FMC1: variants seen among roughly 807,000 people sequenced by gnomAD.
The protein encoded by FMC1 is formation of mitochondrial complex V assembly factor 1, also known as protein FMC1 homolog.
Under a neutral mutation model 10.5 loss-of-function variants are expected in FMC1, and 6 were observed. That is an observed-to-expected ratio of 0.57 (90% CI 0.31 to 1.12). The LOEUF is 1.12. Ranked by LOEUF, FMC1 falls within the 50% of genes most tolerant of loss-of-function variation. The pLI is 0.05. For synonymous variants in FMC1, 59 were observed against 62.1 expected (o/e 0.95, Z 0.24); for missense variants, 146 against 151.7 (o/e 0.96, Z 0.20).
At chr7:139,343,739 A>G (rs527797957) in intron 1 of FMC1, among the ~76,000 whole-genome samples, 1 of 152,236 alleles carries the variant, frequency 6.6e-6, no homozygotes, top group East Asian at 1.9e-4. Context: ...GTTCACGACC[A>G]GCCTGGGCAA....
Position 139,344,695 on chromosome 7 carries a change from C to CT in FMC1, c.139-784dup, listed in dbSNP as rs1026301999. 4.7e-3 allele frequency among the ~76,000 whole-genome samples: 542 copies of CT among 116,284 alleles called. 5 individuals carry two copies. The highest frequency in any genetic ancestry group is 6.6e-3 in the Non-Finnish European group (374 of 56,892). 76.3% of individuals were successfully genotyped at this position (116,284 alleles called of 152,430 possible). A position where few individuals can be genotyped will look rare whatever the true frequency, so the allele number is the denominator to read the frequency against. On this transcript the variant is annotated intron_variant, in intron 1 of 1. Transcript: ENST00000297534. ...CAGACAAAAGTTTTCAATTTTCTTT[C>CT]TTTTTTTTTTTTTTTTTTTTTTGTT...
upstream of FMC1, chr7:139,340,500 A>G (rs1018564031): frequency 3.5e-5 from 14 of 398,436 alleles, no homozygotes; most frequent in Admixed American, 3.5e-4. Flanking sequence ...CGTCCGGAGC[A>G]TCGGTGCAGT....
intron 1 of FMC1, among the ~76,000 whole-genome samples, chr7:139,344,421 G>A (rs552397872): frequency 2.0e-5 from 3 of 152,168 alleles, no homozygotes; most frequent in South Asian, 2.1e-4. Context: ...TACCTTATGC[G>A]GTGTAAATGC....
intron 1 of FMC1, among the ~76,000 whole-genome samples, chr7:139,344,581 C>A (rs1238382790): frequency 2.6e-5 from 4 of 151,578 alleles, no homozygotes; most frequent in Non-Finnish European, 1.5e-5. Flanking sequence ...TATGGAGGGC[C>A]AATTGTAATA....
chr7:139,342,060 A>G (rs1301982697), intron 1 of FMC1, among the ~76,000 whole-genome samples: 1 of 152,152 alleles, frequency 6.6e-6, no homozygotes, highest in Non-Finnish European at 1.5e-5. Flanking sequence ...TCAACTGTCG[A>G]ATTTCTGAGC....
chr7:139,341,358 G>T lies in FMC1; in HGVS notation c.-27G>T, dbSNP rs1185045148. The T allele has an allele frequency of 6.3e-7, 1 of 1,595,046 alleles. No homozygotes were observed. Among genetic ancestry groups the T allele is most frequent in the Non-Finnish European group, 8.6e-7 (1 of 1,166,458 alleles). ...TTTCAGGGTCGTAGGACGCCGTTGG[G>T]CACCACGCTCGGAGAAGGACAGGAC... On this transcript the variant is annotated 5_prime_UTR_variant, in exon 1 of 2. Coordinates refer to ENST00000297534, the MANE Select transcript of FMC1 (RefSeq NM_197964.5).
chr7:139,345,178 A>G (rs970433088), intron 1 of FMC1, among the ~76,000 whole-genome samples: 5 of 152,160 alleles, frequency 3.3e-5, no homozygotes, highest in Non-Finnish European at 7.4e-5. Flanking sequence ...CATATCTACC[A>G]TTAACCAACC....
upstream of FMC1, chr7:139,340,699 A>C (rs1798896201): frequency 2.5e-6 from 1 of 392,226 alleles, no homozygotes; most frequent in Non-Finnish European, 4.5e-6. Flanking sequence ...CGTTTGCAGA[A>C]GCCCCAGTGG....
upstream of FMC1, chr7:139,341,123 C>T (rs1167808353): frequency 1.5e-5 from 6 of 403,044 alleles, no homozygotes; most frequent in Non-Finnish European, 2.1e-5. Context: ...AGAAAAGCCC[C>T]TGTTTCCCCA....
At chr7:139,343,137 A>G (rs1269126241) in intron 1 of FMC1, among the ~76,000 whole-genome samples, 5 of 152,218 alleles carry the variant, frequency 3.3e-5, no homozygotes, top group African/African-American at 1.2e-4. Flanking sequence ...AACCGAATCA[A>G]GAGCAGTATT....
At chr7:139,341,159 TG>T, upstream of FMC1, 2 of 636,622 alleles carry the variant, frequency 3.1e-6, no homozygotes, top group Non-Finnish European at 4.9e-6. Context: ...TTAGAGGTCC[TG>T]GTACCTTCAG....
chr7:139,340,744 G>A (rs1798899911), upstream of FMC1: 4 of 379,102 alleles, frequency 1.1e-5, no homozygotes, highest in Non-Finnish European at 1.9e-5. Flanking sequence ...CTAAGCCAGG[G>A]ATTGTGGGTT....
chr7:139,342,867 C>T (rs550420463), intron 1 of FMC1, among the ~76,000 whole-genome samples: 71 of 152,300 alleles, frequency 4.7e-4, no homozygotes, highest in South Asian at 8.3e-4. Flanking sequence ...ATTCATGGTA[C>T]ATTCTGGAAA....
intron 1 of FMC1, among the ~76,000 whole-genome samples, chr7:139,343,136 A>G (rs1451949623): frequency 6.6e-6 from 1 of 152,234 alleles, no homozygotes; most frequent in African/African-American, 2.4e-5. Flanking sequence ...CAACCGAATC[A>G]AGAGCAGTAT....
Position 139,341,442 on chromosome 7 carries a change from T to C in FMC1, c.58T>C (p.Tyr20His), listed in dbSNP as rs1211525100. 1 of 1,613,548 alleles carries C rather than the reference T, an allele frequency of 6.2e-7. No homozygotes were observed. The highest frequency in any genetic ancestry group is 2.2e-5 in the East Asian group (1 of 44,874). Residue 20 changes from tyrosine to histidine, a missense_variant, in exon 1 of 2, where the codon TAC becomes CAC. Transcript: ENST00000297534. ...TFRGLLRELR[Y>H]LSAATGRPYR... The stretch of plus-strand genomic sequence containing the variant: ...TCGAGGACTTCTGCGGGAGTTGCGC[T>C]ACCTGAGCGCGGCCACCGGCCGACC...
upstream of FMC1, chr7:139,340,538 A>G (rs1798882959): frequency 7.5e-6 from 3 of 398,426 alleles, no homozygotes; most frequent in African/African-American, 6.2e-5. Context: ...TGGCGCGGTG[A>G]TGTGGACTTT....
At position 139,341,512 on chromosome 7, in the gene FMC1, G is replaced by T. The variant is rs758182186; in HGVS notation, c.128G>T (p.Arg43Leu). 1.2e-6 allele frequency: 2 copies of T among 1,612,734 alleles called. No homozygotes were observed. Among genetic ancestry groups the T allele is most frequent in the African/African-American group, 1.3e-5 (1 of 74,924 alleles). Residue 43 changes from arginine to leucine, a missense_variant, in exon 1 of 2, where the codon CGT (arginine) becomes CTT (leucine). Coordinates refer to ENST00000297534, the MANE Select transcript of FMC1 (RefSeq NM_197964.5). ...TATCGGTACCTTGTGAAGGCTTTCC[G>T]TGCACATCGGGTACGGGAGCCATGT... ...AAYRYLVKAF[R>L]AHRVTSEKLC...
Position 139,345,766 on chromosome 7 carries a change from T to G in FMC1, c.*62T>G, listed in dbSNP as rs1237741670. 13 of 1,465,686 alleles carry G rather than the reference T, an allele frequency of 8.9e-6. No individual in the cohort carries two copies. The highest frequency in any genetic ancestry group is 1.2e-5 in the Non-Finnish European group (13 of 1,102,320). 90.8% of individuals were successfully genotyped at this position (1,465,686 alleles called of 1,614,324 possible). On this transcript the variant is annotated 3_prime_UTR_variant, in exon 2 of 2. Transcript: ENST00000297534. ...GAATTGAATAATTTCTATCAATATG[T>G]ATTTATCATTAAATTTTTTTTAAGT...
At chr7:139,341,562 G>A (rs1270827059) in intron 1 of FMC1, 40 bp downstream of exon 1, 6 of 1,597,386 alleles carry the variant, frequency 3.8e-6, no homozygotes, top group Non-Finnish European at 5.1e-6. Context: ...GTGCTGGGGA[G>A]GGAGGAAGAG....
Sources: gnomAD v4.1 joint callset for allele counts (sites outside exome capture counted in the v4.1 genomes callset) on GRCh38, gnomAD v4.1.1 for gene constraint, MANE v1.5 for transcripts, NCBI Gene and HGNC (gene_info 2026-07-23, HGNC 2026-07-21) for gene names.